Variants in VWA3A observed in about 807,000 individuals in gnomAD.
VWA3A encodes the protein von Willebrand factor A domain-containing protein 3A.
In VWA3A, 134 loss-of-function variants were observed where a neutral mutation model predicts 160.4. That is an observed-to-expected ratio of 0.84 (90% CI 0.73 to 0.96). VWA3A has a LOEUF of 0.96. Among genes scored for constraint, VWA3A ranks in the 40% least tolerant of loss-of-function variants. The pLI, the probability that VWA3A is intolerant of heterozygous loss-of-function variation, is 0.00. For synonymous variants in VWA3A, 476 were observed against 543.4 expected (o/e 0.88, Z 1.72); for missense variants, 1,310 against 1,447.9 (o/e 0.90, Z 1.55).
chr16:22,141,519 C>T, intron 23 of VWA3A, 63 bp from the exon 24 acceptor site: 1 of 1,478,520 alleles, frequency 6.8e-7, no homozygotes, highest in Non-Finnish European at 9.3e-7. Flanking sequence ...CTAAGCCAAG[C>T]TGGACAGCTG....
At chr16:22,150,634 G>T in intron 29 of VWA3A, 61 bp from the exon 30 acceptor site, 1 of 1,529,650 alleles carries the variant, frequency 6.5e-7, no homozygotes, top group Non-Finnish European at 8.8e-7. Flanking sequence ...TTAGGCATTT[G>T]GTTCTTGTGT....
At chr16:22,115,918 G>GAAGGAAGGAAGGAAGGAAAGGAAAGGA (rs2045630381) in intron 9 of VWA3A, among the ~76,000 whole-genome samples, 1 of 31,390 alleles carries the variant, frequency 3.2e-5, no homozygotes. Flanking sequence ...AGGAAGGAAG[G>GAAGGAAGGAAGGAAGGAAAGGAAAGGA]AAGGAAAGGA....
Position 22,152,686 on chromosome 16 carries a change from T to C in VWA3A, c.3405+52T>C, listed in dbSNP as rs796208630. 7 of 1,558,648 alleles carry C rather than the reference T, an allele frequency of 4.5e-6. No homozygotes were observed. In the African/African-American group the frequency reaches 8.1e-5, roughly 18 times the overall value. On this transcript the variant is annotated intron_variant, in intron 31 of 33. Coordinates refer to ENST00000389398, the MANE Select transcript of VWA3A (RefSeq NM_173615.5). ...GGTCTGTTGAAACGGCTCGATAAAA[T>C]ATCAACAGGCATGGGGTTTTCCTTC...
In VWA3A at chr16:22,110,874, CT is replaced by C; in HGVS notation, c.583-10del. 6.3e-7 allele frequency: 1 copy of C among 1,594,158 alleles called. No homozygotes were observed. On this transcript the variant is annotated splice_polypyrimidine_tract_variant and intron_variant, in intron 7 of 33. Transcript: ENST00000389398. ...CCTGGCTGTGGGAGCCAGTGATGTC[CT>C]TTTGTCCAACAGAGCCTCATCGATG...
intron 23 of VWA3A, among the ~76,000 whole-genome samples, chr16:22,140,628 T>G (rs1050227547): frequency 1.1e-4 from 16 of 150,596 alleles, no homozygotes; most frequent in African/African-American, 3.9e-4. Flanking sequence ...TTTTTTTTTT[T>G]GAGACAGAGT....
At chr16:22,134,827 G>T (rs1027857848) in intron 21 of VWA3A, among the ~76,000 whole-genome samples, 1 of 152,182 alleles carries the variant, frequency 6.6e-6, no homozygotes, top group East Asian at 1.9e-4. Context: ...AGCAGTCAGT[G>T]GATGGAAAAA....
At chr16:22,129,915 C>T (rs769153194) in intron 17 of VWA3A, among the ~76,000 whole-genome samples, 39 of 152,194 alleles carry the variant, frequency 2.6e-4, no homozygotes, top group Admixed American at 4.6e-4. Context: ...AGGTCGGGCG[C>T]GGTGGCTCAC....
At position 22,149,838 on chromosome 16, in the gene VWA3A, G is replaced by A. The variant is rs758571912; in HGVS notation, c.3036G>A (p.Leu1012=). ...AESFQSWQDT[L]VETTDAACHE... ...GCTTTCAGTCATGGCAGGACACGCTGGTGGAGACCACAGATGCAGCGTGTC... is the reference window on the plus strand; with the variant it reads ...GCTTTCAGTCATGGCAGGACACGCTAGTGGAGACCACAGATGCAGCGTGTC... Residue 1012 remains leucine, a synonymous_variant, in exon 29 of 34, where the codon CTG becomes CTA. Coordinates refer to ENST00000389398, the MANE Select transcript of VWA3A (RefSeq NM_173615.5). 6.2e-7 allele frequency: 1 copy of A among 1,608,742 alleles called. No individual in the cohort carries two copies. The highest frequency in any genetic ancestry group is 8.5e-7 in the Non-Finnish European group (1 of 1,177,232).
At chr16:22,119,480 G>A (rs560982240) in intron 12 of VWA3A, among the ~76,000 whole-genome samples, 1 of 152,290 alleles carries the variant, frequency 6.6e-6, no homozygotes, top group East Asian at 1.9e-4. Context: ...AGACCAGCCT[G>A]AGCAACATGG....
chr16:22,139,187 GC>G (rs2046098836), intron 22 of VWA3A, among the ~76,000 whole-genome samples: 1 of 152,170 alleles, frequency 6.6e-6, no homozygotes, highest in African/African-American at 2.4e-5. Flanking sequence ...TTCCAGGAGA[GC>G]CTGTGCAGCC....
intron 6 of VWA3A, among the ~76,000 whole-genome samples, chr16:22,105,900 A>T (rs61200994): frequency 0.051 from 7,817 of 152,288 alleles, 634 homozygotes; most frequent in African/African-American, 0.18. Context: ...ACATGTATTG[A>T]GTGATTATTG....
At chr16:22,118,825 C>T in intron 11 of VWA3A, 77 bp from the exon 12 acceptor site, 1 of 1,582,678 alleles carries the variant, frequency 6.3e-7, no homozygotes, top group Non-Finnish European at 8.6e-7. Flanking sequence ...ATTGGCCTGG[C>T]TGCTTGCCCC....
At position 22,092,614 on chromosome 16, in the gene VWA3A, C is replaced by T; in HGVS notation, c.-24C>T. Reference sequence around the variant, plus strand: ...GTAAGGCCCTGGAGTGCCAGGAGCCCTTCTCCCAAAGATGGAGAAATAAAT... The same window carrying T: ...GTAAGGCCCTGGAGTGCCAGGAGCCTTTCTCCCAAAGATGGAGAAATAAAT... On this transcript the variant is annotated 5_prime_UTR_variant, in exon 1 of 34. Coordinates refer to ENST00000389398, the MANE Select transcript of VWA3A (RefSeq NM_173615.5). The T allele has an allele frequency of 7.1e-6, 11 of 1,550,256 alleles. No homozygotes were observed. The highest frequency in any genetic ancestry group is 7.9e-6 in the Non-Finnish European group (9 of 1,146,098).
chr16:22,117,408 A>C (rs2045666962), intron 11 of VWA3A, among the ~76,000 whole-genome samples: 1 of 152,240 alleles, frequency 6.6e-6, no homozygotes, highest in Admixed American at 6.5e-5. Flanking sequence ...TGTATGATGC[A>C]TTGATTGAAT....
At chr16:22,147,780 C>T in intron 27 of VWA3A, 2 of 669,754 alleles carry the variant, frequency 3.0e-6, no homozygotes, top group Non-Finnish European at 5.4e-6. Flanking sequence ...AATCCCCCAG[C>T]TCACATACCA....
chr16:22,151,780 A>C (rs2046352469), intron 30 of VWA3A, among the ~76,000 whole-genome samples: 1 of 152,098 alleles, frequency 6.6e-6, no homozygotes, highest in African/African-American at 2.4e-5. Flanking sequence ...AAAAAAAAAA[A>C]CTTTATTATT....
intron 25 of VWA3A, 95 bp from the exon 26 acceptor site, chr16:22,144,152 C>G (rs1191811309): frequency 7.2e-7 from 1 of 1,397,350 alleles, no homozygotes; most frequent in Non-Finnish European, 9.6e-7. Flanking sequence ...AAACATCATA[C>G]AGGTTTCAAA....
intron 6 of VWA3A, among the ~76,000 whole-genome samples, chr16:22,105,517 G>T (rs2045470895): frequency 6.6e-6 from 1 of 152,248 alleles, no homozygotes; most frequent in Non-Finnish European, 1.5e-5. Flanking sequence ...CTAGTGGCAT[G>T]CAGGCCAAAT....
intron 6 of VWA3A, 22 bp downstream of exon 6, chr16:22,103,551 C>A: frequency 6.4e-7 from 1 of 1,551,078 alleles, no homozygotes; most frequent in Non-Finnish European, 8.7e-7. Context: ...AGATTTCATT[C>A]TTTGCCCCCT....
Sources: allele counts gnomAD v4.1 joint callset (sites outside exome capture counted in the v4.1 genomes callset), GRCh38; gene constraint gnomAD v4.1.1; transcripts MANE v1.5; gene names NCBI Gene and HGNC (gene_info 2026-07-23, HGNC 2026-07-21).